The following FGGY variants were observed in gnomAD, a reference collection of about 807,000 sequenced individuals.
FGGY encodes the protein FGGY carbohydrate kinase domain containing.
Under a neutral mutation model 71.3 loss-of-function variants are expected in FGGY, and 72 were observed. The ratio of observed to expected loss-of-function variants is 1.01; its 90% confidence interval spans 0.84 to 1.23. The LOEUF is 1.23. Ranked by LOEUF, FGGY falls within the 50% of genes most tolerant of loss-of-function variation. FGGY has a pLI of 0.00. For synonymous variants in FGGY, 251 were observed against 250.3 expected (o/e 1.00, Z -0.02); for missense variants, 668 against 682.3 (o/e 0.98, Z 0.23).
At chr1:59,580,135 C>T (rs1258123892) in intron 8 of FGGY, among the ~76,000 whole-genome samples, 2 of 152,196 alleles carry the variant, frequency 1.3e-5, no homozygotes, top group Non-Finnish European at 2.9e-5. Flanking sequence ...AATAACAACA[C>T]TTGCCTTCAC....
At chr1:59,519,161 G>T (rs1479749223) in intron 7 of FGGY, among the ~76,000 whole-genome samples, 1 of 152,152 alleles carries the variant, frequency 6.6e-6, no homozygotes, top group African/African-American at 2.4e-5. Flanking sequence ...TTAAGCCCAT[G>T]CTTTGTGCAC....
At chr1:59,618,093 C>G in intron 9 of FGGY, among the ~76,000 whole-genome samples, 1 of 152,070 alleles carries the variant, frequency 6.6e-6, no homozygotes, top group African/African-American at 2.4e-5. Flanking sequence ...CTGAGTGATT[C>G]CACTGGGCCA....
At chr1:59,601,496 C>T (rs2096577854) in intron 8 of FGGY, among the ~76,000 whole-genome samples, 1 of 152,200 alleles carries the variant, frequency 6.6e-6, no homozygotes, top group South Asian at 2.1e-4. Flanking sequence ...ATCCCAGCTC[C>T]ATCATTTCTG....
intron 5 of FGGY, among the ~76,000 whole-genome samples, chr1:59,424,270 C>T (rs138800989): frequency 4.1e-4 from 63 of 152,316 alleles, no homozygotes; most frequent in Non-Finnish European, 5.6e-4. Flanking sequence ...AGAATGAGGC[C>T]GGGCACTGTG....
At chr1:59,466,133 C>G (rs1374623832) in intron 6 of FGGY, among the ~76,000 whole-genome samples, 1 of 152,170 alleles carries the variant, frequency 6.6e-6, no homozygotes, top group Non-Finnish European at 1.5e-5. Flanking sequence ...ACCAAAAGAG[C>G]ATAGTACTGC....
chr1:59,741,316 A>G (rs753129841), intron 14 of FGGY, among the ~76,000 whole-genome samples: 6 of 152,112 alleles, frequency 3.9e-5, no homozygotes, highest in Non-Finnish European at 7.4e-5. Context: ...CCATCCCCCC[A>G]TTGGTACCAC....
rs566734774 is a variant in FGGY at position 59,435,359 on chromosome 1, C to T, written c.555-21602C>T. Among the ~76,000 whole-genome samples the T allele has an allele frequency of 5.3e-5, 8 of 152,280 alleles. No individual in the cohort carries two copies. The South Asian group carries it at 1.7e-3, about 32-fold the overall frequency. ...TCTCACTACTTCTACTCCTGCCCCT[C>T]CAGCCCCTCCATTTGAAGATCCCTG... On this transcript the variant is annotated intron_variant, in intron 5 of 15. Transcript: ENST00000303721.
At chr1:59,643,601 A>T (rs545164234) in intron 11 of FGGY, among the ~76,000 whole-genome samples, 71 of 152,360 alleles carry the variant, frequency 4.7e-4, no homozygotes, top group African/African-American at 1.7e-3. Context: ...GGGAAATGGC[A>T]AAGACCACAA....
intron 11 of FGGY, among the ~76,000 whole-genome samples, chr1:59,654,016 C>A (rs1288302147): frequency 6.6e-6 from 1 of 152,136 alleles, no homozygotes; most frequent in Non-Finnish European, 1.5e-5. Context: ...ATTCTATCTG[C>A]CCAGTTCCTT....
chr1:59,314,581 A>C (rs2045052192), intron 1 of FGGY, among the ~76,000 whole-genome samples: 1 of 152,310 alleles, frequency 6.6e-6, no homozygotes. Flanking sequence ...ACTTACCCCA[A>C]GTGAGTCAGT....
intron 14 of FGGY, among the ~76,000 whole-genome samples, chr1:59,733,012 C>T (rs531604956): frequency 3.4e-4 from 51 of 152,148 alleles, no homozygotes; most frequent in Non-Finnish European, 6.6e-4. Context: ...TCTCCTGGAG[C>T]CAGATTGCCT....
intron 14 of FGGY, among the ~76,000 whole-genome samples, chr1:59,738,076 G>A (rs17557713): frequency 0.059 from 9,014 of 152,232 alleles, 347 homozygotes; most frequent in South Asian, 0.16. Context: ...AGTCAAATAA[G>A]CTCCCCTATT....
At chr1:59,383,403 A>G (rs1299732247) in intron 5 of FGGY, among the ~76,000 whole-genome samples, 1 of 152,132 alleles carries the variant, frequency 6.6e-6, no homozygotes, top group East Asian at 1.9e-4. Flanking sequence ...GAATTTTTTG[A>G]ATTTAAAAGT....
intron 11 of FGGY, among the ~76,000 whole-genome samples, chr1:59,657,050 T>A (rs2097225139): frequency 6.6e-6 from 1 of 152,232 alleles, no homozygotes; most frequent in South Asian, 2.1e-4. Context: ...TTCTCGTGGA[T>A]ATCTGCTGGG....
At chr1:59,489,828 C>A in intron 6 of FGGY, among the ~76,000 whole-genome samples, 1 of 152,076 alleles carries the variant, frequency 6.6e-6, no homozygotes, top group South Asian at 2.1e-4. Context: ...GTTTACATTC[C>A]CACCAATAGT....
intron 2 of FGGY, among the ~76,000 whole-genome samples, chr1:59,326,871 G>T (rs760931348): frequency 6.6e-6 from 1 of 152,104 alleles, no homozygotes; most frequent in Non-Finnish European, 1.5e-5. Flanking sequence ...ATGAATTTTT[G>T]AGTTTCTCAG....
At chr1:59,601,519 C>T (rs1055595446) in intron 8 of FGGY, among the ~76,000 whole-genome samples, 6 of 152,168 alleles carry the variant, frequency 3.9e-5, no homozygotes, top group Non-Finnish European at 8.8e-5. Flanking sequence ...CTTTATGATC[C>T]TGGGCAATTT....
intron 4 of FGGY, among the ~76,000 whole-genome samples, chr1:59,370,354 G>T (rs552472381): frequency 2.6e-5 from 4 of 152,178 alleles, no homozygotes; most frequent in African/African-American, 9.6e-5. Context: ...GAAGTTTAGA[G>T]AAAAAAGAAT....
intron 14 of FGGY, among the ~76,000 whole-genome samples, chr1:59,729,996 A>G (rs2098004899): frequency 6.6e-6 from 1 of 152,234 alleles, no homozygotes. Flanking sequence ...TGCCAGAGCC[A>G]AGAGGGGATC....
Sources: gnomAD v4.1 joint callset for allele counts (sites outside exome capture counted in the v4.1 genomes callset) on GRCh38, gnomAD v4.1.1 for gene constraint, MANE v1.5 for transcripts, NCBI Gene and HGNC (gene_info 2026-07-23, HGNC 2026-07-21) for gene names.